The following CHRNA4 variants were observed in gnomAD, a reference collection of about 807,000 sequenced individuals.
The protein encoded by CHRNA4 is cholinergic receptor nicotinic alpha 4 subunit.
Under a neutral mutation model 48.9 loss-of-function variants are expected in CHRNA4, and 28 were observed. The observed-to-expected ratio is 0.57, with a 90% CI of 0.42 to 0.79. CHRNA4 has a LOEUF of 0.79. CHRNA4 is among the 30% of genes least tolerant of loss of function. The pLI, the probability that CHRNA4 is intolerant of heterozygous loss-of-function variation, is 0.00. For synonymous variants in CHRNA4, 425 were observed against 402.3 expected (o/e 1.06, Z -0.68); for missense variants, 859 against 898.4 (o/e 0.96, Z 0.56).
At position 63,349,839 on chromosome 20, in the gene CHRNA4, G is replaced by A. The variant is rs1307559644; in HGVS notation, c.1572C>T (p.Asp524=). ...ATGTGCATTTGCACGGAGAGGGCTG[G>A]TCTGGGGGTGGGAGCTCAGCCGAGT... ...NTHSAELPPP[D]QPSPCKCTCK... is the part of the protein sequence containing the mutation. Residue 524 remains aspartate (D), a synonymous_variant, in exon 5 of 6, where the codon GAC becomes GAT. Coordinates refer to ENST00000370263, the MANE Select transcript of CHRNA4 (RefSeq NM_000744.7). The A allele has an allele frequency of 3.8e-6, 6 of 1,596,496 alleles. No individual in the cohort carries two copies. The highest frequency in any genetic ancestry group is 5.1e-6 in the Non-Finnish European group (6 of 1,168,136).
At position 63,350,581 on chromosome 20, in the gene CHRNA4, A is replaced by G. The variant is rs2068578781; in HGVS notation, c.830T>C (p.Leu277Pro). The G allele has an allele frequency of 1.2e-6, 2 of 1,614,048 alleles. No homozygotes were observed. The highest frequency in any genetic ancestry group is 8.5e-7 in the Non-Finnish European group (1 of 1,180,014). Reference protein sequence around the residue: ...LPSECGEKITLCISVLLSLTV... With the variant: ...LPSECGEKITPCISVLLSLTV... ...GAGCGACAGCAGCACGGAGATGCAC[A>G]GCGTGATCTTCTCGCCACACTCGGA... is the stretch of plus-strand genomic sequence containing the variant. Residue 277 changes from leucine (L) to proline (P), a missense_variant, in exon 5 of 6, where the codon CTG becomes CCG. Leu to Pro is a moderately conservative substitution (Grantham distance 98). Around this residue, in one of 3 missense-constraint regions of CHRNA4, gnomAD observed 39 missense variants for 77.7 expected, o/e 0.50. Transcript: ENST00000370263.
chr20:63,351,403 A>G (rs1383423033), intron 4 of CHRNA4, among the ~76,000 whole-genome samples: 6 of 152,230 alleles, frequency 3.9e-5, no homozygotes, highest in Admixed American at 3.3e-4. Flanking sequence ...GAGAACGGGA[A>G]GGGACCTACG....
At chr20:63,354,522 GA>G in intron 4 of CHRNA4, 1 of 942,786 alleles carries the variant, frequency 1.1e-6, no homozygotes, top group Non-Finnish European at 1.3e-6. Flanking sequence ...GGTCCTGGGG[GA>G]GCTGTGAACC....
At chr20:63,357,392 G>A (rs556928340) in intron 2 of CHRNA4, among the ~76,000 whole-genome samples, 7 of 152,278 alleles carry the variant, frequency 4.6e-5, no homozygotes, top group African/African-American at 7.2e-5. Context: ...GCCCAGTGTC[G>A]TGCCCTACCC....
rs2068811877 is a variant in CHRNA4 at position 63,361,073 on chromosome 20, C to G, written c.76+17G>C. 2.8e-6 allele frequency: 4 copies of G among 1,435,226 alleles called. No individual in the cohort carries two copies. In the African/African-American group the frequency reaches 4.5e-5, roughly 16 times the overall value. 88.9% of individuals were successfully genotyped at this position (1,435,226 alleles called of 1,614,324 possible). A position where few individuals can be genotyped will look rare whatever the true frequency, so the allele number is the denominator to read the frequency against. On this transcript the variant is annotated intron_variant, in intron 1 of 5. Transcript: ENST00000370263. ...AACGCGGGCGAAAGGGGGCCCATCC[C>G]GCGCCCCGTAACTTACCGCGCAGGA...
chr20:63,353,669 G>A (rs1482618808), intron 4 of CHRNA4, among the ~76,000 whole-genome samples: 4 of 67,090 alleles, frequency 6.0e-5, no homozygotes, highest in Admixed American at 1.6e-4. Flanking sequence ...CTGTGGTCCT[G>A]GGAGGGCTGC....
intron 5 of CHRNA4, among the ~76,000 whole-genome samples, chr20:63,347,402 C>T (rs1169983718): frequency 6.6e-6 from 1 of 152,234 alleles, no homozygotes; most frequent in Non-Finnish European, 1.5e-5. Flanking sequence ...CTCCCCTGGC[C>T]TGTCTCGTTT....
rs557775256 is a variant in CHRNA4 at position 63,344,462 on chromosome 20, T to C, written c.*2276A>G. The stretch of plus-strand genomic sequence containing the variant: ...AGGTTAATTTGGCGTGGTGGGAATA[T>C]GGTGCTTTATTTGGATTTTTTTTTT... On this transcript the variant is annotated 3_prime_UTR_variant, in exon 6 of 6. Coordinates refer to ENST00000370263, the MANE Select transcript of CHRNA4 (RefSeq NM_000744.7). The surrounding 1 kb of genome is among the most constrained non-coding windows in gnomAD (Gnocchi z 4.5). 2.0e-5 allele frequency: 9 copies of C among 451,448 alleles called. 1 individual carries two copies. In the East Asian group the frequency reaches 2.1e-4, roughly 11 times the overall value. The allele number at this position is 451,448 out of a possible 1,614,324, so 28.0% of individuals were successfully genotyped here.
rs375201666 is a variant in CHRNA4 at position 63,354,810 on chromosome 20, G to A, written c.383+1165C>T. ...GGATTCGGTGCATGGTCCTGGTGGC[G>A]GGGAGCTAGGTGGCTGGGTGGCTTG... On this transcript the variant is annotated intron_variant, in intron 4 of 5. Coordinates refer to ENST00000370263, the MANE Select transcript of CHRNA4 (RefSeq NM_000744.7). The A allele has an allele frequency of 2.8e-4, 59 of 208,602 alleles. 1 individual carries two copies. In the South Asian group the frequency reaches 6.4e-3, roughly 23 times the overall value. The allele number at this position is 208,602 out of a possible 1,614,324, so 12.9% of individuals were successfully genotyped here. A position where few individuals can be genotyped will look rare whatever the true frequency, so the allele number is the denominator to read the frequency against.
chr20:63,356,363 C>A lies in CHRNA4; in HGVS notation c.273+8G>T, dbSNP rs2068719261. ...AGGGGTGGGGCAGGGCAGTGCCCTC[C>A]CACTCACCTGCTTCACCCATACGTT... On this transcript the variant is annotated splice_region_variant and intron_variant, in intron 3 of 5. Transcript: ENST00000370263. 1 of 1,585,496 alleles carries A rather than the reference C, an allele frequency of 6.3e-7. No homozygotes were observed.
Position 63,351,050 on chromosome 20 carries a change from G to A in CHRNA4, c.384-23C>T, listed in dbSNP as rs56151028. ...GCACTGGGCAGGAAGAGAGCGAAGG[G>A]TGTGAGACCCCCACATCCATGCCCA... On this transcript the variant is annotated intron_variant, in intron 4 of 5. Transcript: ENST00000370263. 80,480 of 1,605,576 alleles carry A rather than the reference G, an allele frequency of 0.05. 2,350 individuals are homozygous for A. The highest frequency in any genetic ancestry group is 0.075 in the Middle Eastern group (449 of 6,024).
chr20:63,349,605 G>C, intron 5 of CHRNA4, 48 bp downstream of exon 5: 1 of 1,609,096 alleles, frequency 6.2e-7, no homozygotes, highest in East Asian at 2.2e-5. Context: ...GCGTCCGCCG[G>C]TTCCGTCTGG....
chr20:63,355,622 G>A (rs1255883471), intron 4 of CHRNA4: 23 of 1,307,612 alleles, frequency 1.8e-5, no homozygotes, highest in African/African-American at 6.0e-5. Context: ...CAAAGACGTC[G>A]CGGGTCAGGA....
intron 2 of CHRNA4, among the ~76,000 whole-genome samples, chr20:63,357,202 A>AACCCACAGGACCACG (rs1471877868): frequency 2.4e-3 from 24 of 10,160 alleles, no homozygotes; most frequent in African/African-American, 3.8e-3. Context: ...ACAGGACCAC[A>AACCCACAGGACCACG]TCTCCACTGA....
At chr20:63,351,061 C>T in intron 4 of CHRNA4, 34 bp from the exon 5 acceptor site, 4 of 1,600,660 alleles carry the variant, frequency 2.5e-6, no homozygotes, top group Non-Finnish European at 3.4e-6. Context: ...TGTGAGACCC[C>T]CACATCCATG....
In CHRNA4 at chr20:63,344,505, AG is replaced by A. The variant is rs2068456049; in HGVS notation, c.*2232del. ...TTTTTTTTGAGCCTCAAAAAAAAAAAGAAAGGGAAAGGGGTCTTCCCCCAGG... is the reference window on the plus strand; with the variant it reads ...TTTTTTTTGAGCCTCAAAAAAAAAAAAAAGGGAAAGGGGTCTTCCCCCAGG... On this transcript the variant is annotated 3_prime_UTR_variant, in exon 6 of 6. Coordinates refer to ENST00000370263, the MANE Select transcript of CHRNA4 (RefSeq NM_000744.7). The surrounding 1 kb of genome is among the most constrained non-coding windows in gnomAD (Gnocchi z 4.5). 1 of 452,796 alleles carries A rather than the reference AG, an allele frequency of 2.2e-6. No homozygotes were observed. The highest frequency in any genetic ancestry group is 2.0e-5 in the African/African-American group (1 of 49,700). The allele number at this position is 452,796 out of a possible 1,614,324, so 28.0% of individuals were successfully genotyped here. A position where few individuals can be genotyped will look rare whatever the true frequency, so the allele number is the denominator to read the frequency against.
rs1014928321 is a variant in CHRNA4 at position 63,345,461 on chromosome 20, G to T, written c.*1277C>A. 2.6e-6 allele frequency: 1 copy of T among 382,512 alleles called. No individual in the cohort carries two copies. Among genetic ancestry groups the T allele is most frequent in the Non-Finnish European group, 5.3e-6 (1 of 187,108 alleles). The allele number at this position is 382,512 out of a possible 1,614,324, so 23.7% of individuals were successfully genotyped here. A position where few individuals can be genotyped will look rare whatever the true frequency, so the allele number is the denominator to read the frequency against. ...AGTGTGCCCCTGGGGACACTGGGGGGCTGCCGGGTGCGCCATCTTTAGGGG... is the reference window on the plus strand; with the variant it reads ...AGTGTGCCCCTGGGGACACTGGGGGTCTGCCGGGTGCGCCATCTTTAGGGG... On this transcript the variant is annotated 3_prime_UTR_variant, in exon 6 of 6. Transcript: ENST00000370263. This position sits in a 1 kb window ranked among gnomAD's most constrained non-coding sequence, Gnocchi z 5.4.
In CHRNA4 at chr20:63,346,921, C is replaced by T; in HGVS notation, c.1759-58G>A. The T allele has an allele frequency of 1.9e-6, 3 of 1,608,220 alleles. No individual in the cohort carries two copies. The South Asian group carries it at 3.3e-5, about 18-fold the overall frequency. On this transcript the variant is annotated intron_variant, in intron 5 of 5. Transcript: ENST00000370263. ...CCCGGCCGCCGCCAGCGGGGACAGC[C>T]CTCAGGACCCCGGCGCCGCCGGCAA...
intron 1 of CHRNA4, 74 bp downstream of exon 1, chr20:63,361,016 T>C: frequency 1.7e-6 from 2 of 1,205,162 alleles, no homozygotes; most frequent in Non-Finnish European, 2.1e-6. Flanking sequence ...GGAGCCTGCC[T>C]CCCTCTGGCT....
Sources: gnomAD v4.1 joint callset for allele counts (sites outside exome capture counted in the v4.1 genomes callset) on GRCh38, gnomAD v4.1.1 for gene constraint, gnomAD v4.1.1 regional missense constraint, Gnocchi (gnomAD v3.1) non-coding constraint, MANE v1.5 for transcripts, NCBI Gene and HGNC (gene_info 2026-07-23, HGNC 2026-07-21) for gene names.